MYO15B: variants seen among roughly 807,000 people sequenced by gnomAD.
The protein encoded by MYO15B is myosin XVB, also known as myosin XVB pseudogene.
Under a neutral mutation model 119.3 loss-of-function variants are expected in MYO15B, and 207 were observed. The observed-to-expected ratio is 1.73, with a 90% CI of 1.55 to 1.95. The LOEUF (loss-of-function observed/expected upper bound fraction) is 1.95. MYO15B is among the 30% of genes most tolerant of loss of function. The pLI is 0.00. For synonymous variants in MYO15B, 966 were observed against 498.9 expected, an observed-to-expected ratio of 1.94 and a Z score of -12.48; for missense variants, 2,264 against 1,203.1, an observed-to-expected ratio of 1.88 and a Z score of -13.04.
At position 75,593,749 on chromosome 17, in the gene MYO15B, G is replaced by C. The variant is rs185993215; in HGVS notation, c.2992-726G>C. Among the ~76,000 whole-genome samples the C allele has an allele frequency of 1.9e-3, 281 of 151,714 alleles. 4 individuals carry two copies. The highest frequency in any genetic ancestry group is 6.6e-3 in the African/African-American group (272 of 41,320). On this transcript the variant is annotated intron_variant, in intron 9 of 63. Coordinates refer to ENST00000645453, the Ensembl canonical transcript of MYO15B. ...AGCCTGACCAATATGGTGAAACCCCGTCTCTACTAAAAATACAAAATTAGC... is the reference window on the plus strand; with the variant it reads ...AGCCTGACCAATATGGTGAAACCCCCTCTCTACTAAAAATACAAAATTAGC...
At chr17:75,626,579 T>C (rs1174182733) in exon 64 of MYO15B, 2 of 684,278 alleles carry the variant, frequency 2.9e-6, no homozygotes, top group South Asian at 1.5e-5. Flanking sequence ...ATCACTGTTC[T>C]AGAACCTGCC....
chr17:75,621,316 G>A (rs1448493092), intron 50 of MYO15B, 29 bp from the exon 51 acceptor site: 5 of 689,000 alleles, frequency 7.3e-6, no homozygotes, highest in Non-Finnish European at 1.3e-5. Flanking sequence ...GGCCAAACAA[G>A]CTGGGCTGTC....
chr17:75,609,751 G>C (rs2057897993), intron 21 of MYO15B, among the ~76,000 whole-genome samples: 2 of 139,610 alleles, frequency 1.4e-5, no homozygotes, highest in South Asian at 5.4e-4. Flanking sequence ...TGTCACCCAG[G>C]CTGGAGTGCA....
At chr17:75,610,845 G>T in intron 22 of MYO15B, 55 bp from the exon 23 acceptor site, 2 of 702,542 alleles carry the variant, frequency 2.8e-6, no homozygotes, top group Non-Finnish European at 5.2e-6. Context: ...CTGGGGAGGT[G>T]CCCCCAGGTG....
chr17:75,610,031 T>G, intron 21 of MYO15B, 135 bp from the exon 22 acceptor site: 8 of 518,918 alleles, frequency 1.5e-5, no homozygotes, highest in East Asian at 3.1e-5. Flanking sequence ...TTCCTGTCGT[T>G]TCTGTGAAGC....
chr17:75,603,231 A>G, exon 19 of MYO15B: 1 of 702,980 alleles, frequency 1.4e-6, no homozygotes, highest in South Asian at 1.5e-5. Context: ...GAGCAACTGC[A>G]CCAGGCAGCC....
At chr17:75,615,837 C>T in exon 36 of MYO15B, 7 of 701,970 alleles carry the variant, frequency 1.0e-5, no homozygotes, top group Non-Finnish European at 1.8e-5. Context: ...CCCCACACCC[C>T]CGGAGAAGCC....
intron 61 of MYO15B, 64 bp from the exon 62 acceptor site, chr17:75,625,780 C>A: frequency 1.4e-6 from 1 of 701,238 alleles, no homozygotes; most frequent in Non-Finnish European, 2.6e-6. Context: ...CCTGGGGGAC[C>A]AAGCAGAGCA....
chr17:75,588,425 G>C, exon 1 of MYO15B: 1 of 398,458 alleles, frequency 2.5e-6, no homozygotes, highest in East Asian at 3.6e-5. Flanking sequence ...GAGCTGGGCG[G>C]CCGCCGTAGG....
chr17:75,610,679 C>T (rs1029209948), intron 22 of MYO15B: 3 of 575,552 alleles, frequency 5.2e-6, no homozygotes, highest in South Asian at 2.2e-5. Flanking sequence ...TTCTTCCTGC[C>T]CTCTTCCCGG....
intron 10 of MYO15B, 30 bp from the exon 11 acceptor site, chr17:75,594,671 C>G: frequency 1.4e-6 from 1 of 702,496 alleles, no homozygotes; most frequent in Non-Finnish European, 2.6e-6. Context: ...GCAGGCCTGA[C>G]ACACCAGCTG....
In MYO15B at chr17:75,619,919, A is replaced by G. The variant is rs756934726; in HGVS notation, c.7342A>G (p.Thr2448Ala). The G allele has an allele frequency of 1.0e-5, 7 of 702,550 alleles. 1 individual carries two copies. The highest frequency in any genetic ancestry group is 8.0e-5 in the Admixed American group (4 of 49,980). The allele number at this position is 702,550 out of a possible 1,614,324, so 43.5% of individuals were successfully genotyped here. Residue 2448 changes from threonine to alanine, a missense_variant, in exon 47 of 64, where the codon ACC (threonine) becomes GCC (alanine). Coordinates refer to ENST00000645453, the Ensembl canonical transcript of MYO15B. ...GGGTGTGGAGTGCCGGGGCGGCTCC[A>G]CCCTGGAGCTGTCACTGAAGAGCGA...
intron 9 of MYO15B, among the ~76,000 whole-genome samples, chr17:75,594,126 C>T (rs1275554323): frequency 6.7e-6 from 1 of 148,562 alleles, no homozygotes. Context: ...ATCAAACGAG[C>T]AGCTGTTATG....
At chr17:75,609,485 A>ATTTTTTTTTTTTT (rs749247022) in intron 21 of MYO15B, among the ~76,000 whole-genome samples, 1 of 77,996 alleles carries the variant, frequency 1.3e-5, no homozygotes, top group African/African-American at 5.5e-5. Context: ...AAGGGAAATG[A>ATTTTTTTTTTTTT]TTTTTTTTTT....
chr17:75,619,297 A>G, intron 44 of MYO15B, 61 bp from the exon 45 acceptor site: 3 of 702,198 alleles, frequency 4.3e-6, no homozygotes, highest in Non-Finnish European at 7.8e-6. Flanking sequence ...GCAGCATGGG[A>G]GCAAACTCTA....
At chr17:75,606,555 C>A (rs1471832676) in intron 21 of MYO15B, among the ~76,000 whole-genome samples, 1 of 151,802 alleles carries the variant, frequency 6.6e-6, no homozygotes, top group East Asian at 1.9e-4. Flanking sequence ...GTCACTGCAA[C>A]CTCCACCTAA....
intron 14 of MYO15B, among the ~76,000 whole-genome samples, chr17:75,600,049 A>G (rs1358606338): frequency 7.3e-6 from 1 of 137,902 alleles, no homozygotes; most frequent in Non-Finnish European, 1.6e-5. Flanking sequence ...TTTGAGACAG[A>G]GCCTTGCTCT....
chr17:75,594,628 T>A (rs1420729556), intron 10 of MYO15B, 40 bp downstream of exon 10: 1 of 695,364 alleles, frequency 1.4e-6, no homozygotes, highest in East Asian at 2.7e-5. Context: ...CTGGCCTGGC[T>A]GACCCACAGG....
intron 14 of MYO15B, chr17:75,600,760 G>T (rs1295858908): frequency 1.3e-5 from 2 of 149,496 alleles, no homozygotes; most frequent in Admixed American, 1.3e-4. Context: ...TAATTTTTTT[G>T]TATTTTTAGT....
Sources: allele counts gnomAD v4.1 joint callset (sites outside exome capture counted in the v4.1 genomes callset), GRCh38; gene constraint gnomAD v4.1.1; transcripts MANE v1.5; gene names NCBI Gene and HGNC (gene_info 2026-07-23, HGNC 2026-07-21).